Variants in PLD1 observed in about 807,000 individuals in gnomAD.
The protein encoded by PLD1 is phospholipase D1, also known as choline phosphatase 1.
A neutral mutation model predicts 137.1 loss-of-function variants in PLD1; 112 were observed. The observed-to-expected ratio is 0.82, with a 90% CI of 0.70 to 0.96. The LOEUF (loss-of-function observed/expected upper bound fraction) is 0.96. PLD1 is among the 40% of genes least tolerant of loss of function. The pLI, the probability that PLD1 is intolerant of heterozygous loss-of-function variation, is 0.00. For synonymous variants in PLD1, 431 were observed against 454.7 expected, an observed-to-expected ratio of 0.95 and a Z score of 0.66; for missense variants, 1,321 against 1,342.0, an observed-to-expected ratio of 0.98 and a Z score of 0.24.
intron 6 of PLD1, 52 bp from the exon 7 acceptor site, chr3:171,726,128 T>C (rs1718485945): frequency 7.9e-7 from 1 of 1,258,898 alleles, no homozygotes; most frequent in Non-Finnish European, 1.2e-6. Flanking sequence ...TTCAAATTTA[T>C]GCATTAAAAA....
At chr3:171,764,094 C>CCTGGGCTGAGTCACATG (rs1260913354) in intron 1 of PLD1, among the ~76,000 whole-genome samples, 1 of 152,148 alleles carries the variant, frequency 6.6e-6, no homozygotes, top group Non-Finnish European at 1.5e-5. Flanking sequence ...ACCTCAGCCT[C>CCTGGGCTGAGTCACATG]CCAAATACCT....
At chr3:171,668,112 G>T (rs573784567) in intron 19 of PLD1, among the ~76,000 whole-genome samples, 1 of 152,136 alleles carries the variant, frequency 6.6e-6, no homozygotes, top group Non-Finnish European at 1.5e-5. Context: ...GTAGAAACAG[G>T]CTGCACAGGA....
chr3:171,733,390 A>G, intron 6 of PLD1, 54 bp downstream of exon 6: 2 of 714,372 alleles, frequency 2.8e-6, no homozygotes, highest in Non-Finnish European at 5.0e-6. Context: ...AATTTAGCTG[A>G]CAATTTACTA....
In PLD1 at chr3:171,677,691, G is replaced by C. The variant is rs777487959; in HGVS notation, c.1871C>G (p.Thr624Ser). ...EQGLTRPHAD[T>S]GSIRSLQTGV... ...TGTCTGTAAACTACGGATGGACCCG[G>C]TATCTGTGAATGCAGCAAGACCCCC... Residue 624 changes from threonine to serine, a missense_variant, in exon 17 of 27, where the codon ACC (threonine) becomes AGC (serine). Coordinates refer to ENST00000351298, the MANE Select transcript of PLD1 (RefSeq NM_002662.5). 2 of 1,613,728 alleles carry C rather than the reference G, an allele frequency of 1.2e-6. No individual in the cohort carries two copies. The highest frequency in any genetic ancestry group is 4.5e-5 in the East Asian group (2 of 44,866).
intron 21 of PLD1, among the ~76,000 whole-genome samples, chr3:171,658,596 T>C (rs1324642376): frequency 6.6e-6 from 1 of 152,164 alleles, no homozygotes; most frequent in Non-Finnish European, 1.5e-5. Context: ...ATGCCCAGAT[T>C]AGGCAAATCT....
chr3:171,648,922 C>T (rs1194305201), intron 21 of PLD1, among the ~76,000 whole-genome samples: 4 of 152,128 alleles, frequency 2.6e-5, no homozygotes, highest in East Asian at 1.9e-4. Flanking sequence ...AATATTTAAA[C>T]CAGTTCTTTA....
intron 9 of PLD1, among the ~76,000 whole-genome samples, chr3:171,710,909 T>C (rs1055590027): frequency 4.3e-4 from 62 of 143,584 alleles, no homozygotes; most frequent in African/African-American, 1.5e-3. Flanking sequence ...AGTTTCGCTC[T>C]GTCGCCCAGG....
At chr3:171,626,768 G>A (rs1405871384) in intron 23 of PLD1, among the ~76,000 whole-genome samples, 2 of 151,626 alleles carry the variant, frequency 1.3e-5, no homozygotes, top group East Asian at 3.9e-4. Flanking sequence ...CATAAGTGAA[G>A]GAAAAATAAA....
At chr3:171,746,110 C>T (rs886113397) in intron 1 of PLD1, among the ~76,000 whole-genome samples, 3 of 152,180 alleles carry the variant, frequency 2.0e-5, no homozygotes, top group East Asian at 1.9e-4. Flanking sequence ...GGGCCTCAGC[C>T]GCCTCCCCGC....
intron 1 of PLD1, among the ~76,000 whole-genome samples, chr3:171,777,019 CA>C (rs1722614627): frequency 1.3e-5 from 2 of 151,700 alleles, no homozygotes; most frequent in Non-Finnish European, 2.9e-5. Context: ...TCCTTTTACA[CA>C]ATAATGAGAA....
intron 1 of PLD1, among the ~76,000 whole-genome samples, chr3:171,749,637 A>G (rs965266455): frequency 1.3e-5 from 2 of 152,222 alleles, no homozygotes; most frequent in African/African-American, 2.4e-5. Flanking sequence ...TTGTTTTTGT[A>G]TAAGGGCTGG....
intron 19 of PLD1, among the ~76,000 whole-genome samples, chr3:171,664,916 G>C (rs1420100978): frequency 6.6e-6 from 1 of 152,074 alleles, no homozygotes; most frequent in Non-Finnish European, 1.5e-5. Flanking sequence ...CAAACACAAA[G>C]TGATAATAAT....
chr3:171,748,100 G>C (rs2108285323), intron 1 of PLD1, among the ~76,000 whole-genome samples: 1 of 152,282 alleles, frequency 6.6e-6, no homozygotes, highest in South Asian at 2.1e-4. Context: ...CAAATGCCAA[G>C]GGCATTTAGA....
At chr3:171,697,832 T>G (rs34320069) in intron 12 of PLD1, among the ~76,000 whole-genome samples, 446 of 152,368 alleles carry the variant, frequency 2.9e-3, no homozygotes, top group Non-Finnish European at 4.6e-3. Context: ...TGTTTCTGCA[T>G]GCAACTGACA....
chr3:171,775,365 A>T (rs1029619780), intron 1 of PLD1, among the ~76,000 whole-genome samples: 1 of 152,132 alleles, frequency 6.6e-6, no homozygotes, highest in Non-Finnish European at 1.5e-5. Context: ...ACAATATGAC[A>T]TATTTACTTC....
intron 1 of PLD1, among the ~76,000 whole-genome samples, chr3:171,805,037 T>C (rs1210831436): frequency 6.6e-6 from 1 of 152,220 alleles, no homozygotes; most frequent in African/African-American, 2.4e-5. Flanking sequence ...AAAAGATCAC[T>C]GTTAAATTCT....
chr3:171,693,184 T>C (rs757950618), intron 12 of PLD1, among the ~76,000 whole-genome samples: 14 of 152,326 alleles, frequency 9.2e-5, no homozygotes, highest in Non-Finnish European at 2.1e-4. Flanking sequence ...TATTTAACAA[T>C]ATTAATAATC....
intron 18 of PLD1, among the ~76,000 whole-genome samples, chr3:171,674,856 G>A (rs1389924575): frequency 6.6e-6 from 1 of 151,588 alleles, no homozygotes; most frequent in Non-Finnish European, 1.5e-5. Context: ...GCGGGCGCCT[G>A]TAATCCCAGC....
chr3:171,687,435 G>A lies in PLD1; in HGVS notation c.1689C>T (p.Tyr563=), dbSNP rs747803509. 3.7e-6 allele frequency: 6 copies of A among 1,614,060 alleles called. No individual in the cohort carries two copies. In the South Asian group the frequency reaches 6.6e-5, roughly 18 times the overall value. The change falls in exon 15 of 27, where the codon TAC becomes TAT. Residue 563 remains tyrosine (Y), a synonymous_variant. Coordinates refer to ENST00000351298, the MANE Select transcript of PLD1 (RefSeq NM_002662.5). ...GCAGGTGGTGCCTGTGGAGCTGCTTGTAGAGACTAAATTTGGAGAACTTTC... is the reference window on the plus strand; with the variant it reads ...GCAGGTGGTGCCTGTGGAGCTGCTTATAGAGACTAAATTTGGAGAACTTTC... ...KPRKFSKFSL[Y]KQLHRHHLHD...
Sources: allele counts gnomAD v4.1 joint callset (sites outside exome capture counted in the v4.1 genomes callset), GRCh38; gene constraint gnomAD v4.1.1; transcripts MANE v1.5; gene names NCBI Gene and HGNC (gene_info 2026-07-23, HGNC 2026-07-21).